SV2C: variants seen among roughly 807,000 people sequenced by gnomAD.
SV2C encodes solute carrier family 22 member B3.
SV2C carries 49 observed loss-of-function variants against 79.7 expected under a neutral mutation model. The observed-to-expected ratio is 0.61, with a 90% CI of 0.49 to 0.78. The LOEUF is 0.78. Among genes scored for constraint, SV2C ranks in the 30% least tolerant of loss-of-function variants. The pLI, the probability that SV2C is intolerant of heterozygous loss-of-function variation, is 0.00. For missense variants in SV2C, 833 were observed against 912.9 expected (o/e 0.91, Z 1.13); for synonymous variants, 334 against 333.2 (o/e 1.00, Z -0.03).
chr5:76,109,323 G>T (rs1212251649), intron 1 of SV2C, among the ~76,000 whole-genome samples: 1 of 152,138 alleles, frequency 6.6e-6, no homozygotes, highest in Non-Finnish European at 1.5e-5. Flanking sequence ...TATGTCCAAT[G>T]AACAGTATCT....
At chr5:75,919,698 T>C in the SV2C span, among the ~76,000 whole-genome samples, 1 of 152,238 alleles carries the variant, frequency 6.6e-6, no homozygotes. Context: ...GTATCCTGAC[T>C]GTTAATAAGG....
chr5:75,881,511 A>G, the SV2C span, among the ~76,000 whole-genome samples: 3 of 152,136 alleles, frequency 2.0e-5, no homozygotes, highest in South Asian at 6.2e-4. Context: ...GAGGTCCTTC[A>G]CATCCCTTGT....
intron 6 of SV2C, 65 bp from the exon 7 acceptor site, chr5:76,291,151 CAAATT>C: frequency 8.3e-7 from 1 of 1,209,078 alleles, no homozygotes; most frequent in Non-Finnish European, 1.2e-6. Context: ...CCTGTAAAAA[CAAATT>C]ATAACCCTAC....
At chr5:76,000,406 G>T in the SV2C span, among the ~76,000 whole-genome samples, 3 of 152,050 alleles carry the variant, frequency 2.0e-5, no homozygotes, top group East Asian at 5.8e-4. Context: ...TCCAAGTGTG[G>T]CCTGGACTCA....
At chr5:76,158,104 A>G (rs1742789516) in intron 2 of SV2C, among the ~76,000 whole-genome samples, 1 of 151,914 alleles carries the variant, frequency 6.6e-6, no homozygotes, top group South Asian at 2.1e-4. Context: ...TTAATGCACA[A>G]GAAAGCAATA....
At chr5:75,923,661 T>C in the SV2C span, among the ~76,000 whole-genome samples, 1 of 152,004 alleles carries the variant, frequency 6.6e-6, no homozygotes, top group African/African-American at 2.4e-5. Flanking sequence ...CCTGAAAAAA[T>C]GCTCAATAAC....
At chr5:76,276,627 C>T (rs901037402) in intron 4 of SV2C, among the ~76,000 whole-genome samples, 12 of 149,832 alleles carry the variant, frequency 8.0e-5, no homozygotes, top group African/African-American at 3.0e-4. Flanking sequence ...AGTACCTGGC[C>T]TTTTCTTTTT....
At chr5:76,262,768 TA>T (rs1465123225) in intron 4 of SV2C, among the ~76,000 whole-genome samples, 1 of 152,252 alleles carries the variant, frequency 6.6e-6, no homozygotes, top group Non-Finnish European at 1.5e-5. Context: ...TCCTGAGTTC[TA>T]ATTTGATTGC....
intron 2 of SV2C, among the ~76,000 whole-genome samples, chr5:76,143,384 C>T (rs1749321830): frequency 6.6e-6 from 1 of 152,140 alleles, no homozygotes; most frequent in Non-Finnish European, 1.5e-5. Flanking sequence ...CAAGTTCATT[C>T]TCCCACGTCC....
chr5:76,041,025 T>C, the SV2C span, among the ~76,000 whole-genome samples: 1 of 151,980 alleles, frequency 6.6e-6, no homozygotes, highest in African/African-American at 2.4e-5. Flanking sequence ...GAGTAATCAG[T>C]GAGTTGAGCT....
At chr5:76,179,473 G>A (rs1200948372) in intron 2 of SV2C, among the ~76,000 whole-genome samples, 2 of 152,038 alleles carry the variant, frequency 1.3e-5, no homozygotes, top group African/African-American at 2.4e-5. Context: ...TCTGAGAAGC[G>A]GATGGCTGAC....
At chr5:75,903,945 C>T in the SV2C span, among the ~76,000 whole-genome samples, 5 of 152,132 alleles carry the variant, frequency 3.3e-5, no homozygotes, top group Admixed American at 1.3e-4. Context: ...ACTTGCATTC[C>T]TCTTTTATTC....
chr5:75,939,523 G>A, the SV2C span, among the ~76,000 whole-genome samples: 1 of 152,026 alleles, frequency 6.6e-6, no homozygotes, highest in Non-Finnish European at 1.5e-5. Context: ...TTCAAAATAT[G>A]AATTTTTTTG....
At chr5:76,097,467 T>G (rs568538532) in intron 1 of SV2C, among the ~76,000 whole-genome samples, 22 of 152,224 alleles carry the variant, frequency 1.4e-4, no homozygotes, top group Non-Finnish European at 2.1e-4. Flanking sequence ...TGGCATTTGT[T>G]GCATTTGTGA....
the SV2C span, among the ~76,000 whole-genome samples, chr5:75,946,292 C>A: frequency 5.9e-5 from 9 of 152,046 alleles, no homozygotes; most frequent in Admixed American, 5.2e-4. Flanking sequence ...ATATGAATAT[C>A]CAAATGTTTT....
intron 4 of SV2C, among the ~76,000 whole-genome samples, chr5:76,225,100 G>C (rs1427785181): frequency 6.6e-6 from 1 of 152,174 alleles, no homozygotes; most frequent in Non-Finnish European, 1.5e-5. Context: ...AATTTCCTGA[G>C]ATTTACAATC....
At chr5:76,038,011 G>A in the SV2C span, among the ~76,000 whole-genome samples, 13,140 of 152,226 alleles carry the variant, frequency 0.086, 1,845 homozygotes, top group African/African-American at 0.29. Context: ...TTTTCCAGGT[G>A]CCGTCTGTCA....
chr5:76,333,977 C>G (rs1580084221), downstream of SV2C: 1 of 151,362 alleles, frequency 6.6e-6, no homozygotes, highest in Non-Finnish European at 1.5e-5. Flanking sequence ...TGACTGGCTT[C>G]CCTTCTAAGC....
At chr5:76,097,538 C>T (rs1747605437) in intron 1 of SV2C, among the ~76,000 whole-genome samples, 1 of 152,124 alleles carries the variant, frequency 6.6e-6, no homozygotes. Flanking sequence ...AGTTGTTACA[C>T]TGGAACATAT....
Sources: allele counts gnomAD v4.1 joint callset (sites outside exome capture counted in the v4.1 genomes callset), GRCh38; gene constraint gnomAD v4.1.1; transcripts MANE v1.5; gene names NCBI Gene and HGNC (gene_info 2026-07-23, HGNC 2026-07-21).